The following MYO1G variants were observed in gnomAD, a reference collection of about 807,000 sequenced individuals.
MYO1G encodes myosin IG, also known as unconventional myosin-Ig.
MYO1G carries 65 observed loss-of-function variants against 115.3 expected under a neutral mutation model. That is an observed-to-expected ratio of 0.56 (90% CI 0.46 to 0.69). MYO1G has a LOEUF of 0.69. MYO1G is among the 30% of genes least tolerant of loss of function. MYO1G has a pLI of 0.00. For synonymous variants in MYO1G, 510 were observed against 552.6 expected (o/e 0.92, Z 1.08); for missense variants, 1,204 against 1,393.5 (o/e 0.86, Z 2.16).
rs1794813540 is a variant in MYO1G, at chr7:44,964,956, A to G, written c.2515T>C (p.Tyr839His). 6.3e-7 allele frequency: 1 copy of G among 1,599,382 alleles called. No individual in the cohort carries two copies. Among genetic ancestry groups the G allele is most frequent in the Admixed American group, 1.7e-5 (1 of 59,594 alleles). Residue 839 changes from tyrosine to histidine, a missense_variant, in exon 18 of 22, where the codon TAC becomes CAC. By Grantham distance (83) the Tyr-to-His change is moderately conservative. Coordinates refer to ENST00000258787, the MANE Select transcript of MYO1G (RefSeq NM_033054.3). The surrounding 1 kb of genome is among the most constrained non-coding windows in gnomAD (Gnocchi z 5.1). The stretch of plus-strand genomic sequence containing the variant: ...CGCCTGGCACTTACAGAGGACAGGT[A>G]GTCTCGGGCCCAGGCCCGTCGGCAG... ...WGCRRAWARD[Y>H]LSSATDNPTA...
intron 5 of MYO1G, 88 bp from the exon 6 acceptor site, chr7:44,972,313 G>A (rs1052318848): frequency 4.1e-5 from 41 of 990,512 alleles, no homozygotes; most frequent in Admixed American, 3.0e-4. Context: ...ACAGACTTGC[G>A]CTTCCTTCCA....
Position 44,978,778 on chromosome 7 carries a change from G to A in MYO1G, c.95+89C>T, listed in dbSNP as rs143643718. 893 of 1,272,730 alleles carry A rather than the reference G, an allele frequency of 7.0e-4. 5 individuals carry two copies. The African/African-American group carries it at 8.9e-3, about 13-fold the overall frequency. 78.8% of individuals were successfully genotyped at this position (1,272,730 alleles called of 1,614,324 possible). A position where few individuals can be genotyped will look rare whatever the true frequency, so the allele number is the denominator to read the frequency against. The stretch of plus-strand genomic sequence containing the variant: ...ACTGCCCCCTCCCTTGGACAGCAGC[G>A]TGCCTTCCTCTTTCCCTCAGGTCTC... On this transcript the variant is annotated intron_variant, in intron 1 of 21. Coordinates refer to ENST00000258787, the MANE Select transcript of MYO1G (RefSeq NM_033054.3).
In MYO1G at chr7:44,970,671, G is replaced by A. The variant is rs200247779; in HGVS notation, c.1138C>T (p.Arg380Trp). ...TCCTTGCCATCACGCCGAGGATCCC[G>A]GCCCCGGGGTTCCATGACACTGTTG... is the stretch of plus-strand genomic sequence containing the variant. ...RINSVMEPRG[R>W]DPRRDGKDTV... The change falls in exon 9 of 22, where the codon CGG (arginine) becomes TGG (tryptophan). Residue 380 changes from arginine to tryptophan, a missense_variant. Physicochemically the swap from Arg to Trp is moderately radical, Grantham distance 101. Coordinates refer to ENST00000258787, the MANE Select transcript of MYO1G (RefSeq NM_033054.3). 5.3e-5 allele frequency: 85 copies of A among 1,613,968 alleles called. 1 individual carries two copies. Among genetic ancestry groups the A allele is most frequent in the East Asian group, 2.7e-4 (12 of 44,878 alleles).
chr7:44,972,019 C>T, intron 6 of MYO1G, 96 bp downstream of exon 6: 2 of 1,019,736 alleles, frequency 2.0e-6, no homozygotes, highest in Non-Finnish European at 3.1e-6. Flanking sequence ...CAGTTCACTT[C>T]ACCCTGGCCT....
Position 44,964,626 on chromosome 7 carries a change from G to A in MYO1G, c.2527-107C>T. The A allele has an allele frequency of 1.0e-6, 1 of 971,988 alleles. No individual in the cohort carries two copies. The highest frequency in any genetic ancestry group is 1.6e-6 in the Non-Finnish European group (1 of 615,590). The allele number at this position is 971,988 out of a possible 1,614,324, so 60.2% of individuals were successfully genotyped here. On this transcript the variant is annotated intron_variant, in intron 18 of 21. Coordinates refer to ENST00000258787, the MANE Select transcript of MYO1G (RefSeq NM_033054.3). This position sits in a 1 kb window ranked among gnomAD's most constrained non-coding sequence, Gnocchi z 5.1. The stretch of plus-strand genomic sequence containing the variant: ...TCAGCATAGCTATCCTTCATCTCGG[G>A]AAACTGAGTCACACAGACTTGTGCG...
chr7:44,969,671 C>T lies in MYO1G; in HGVS notation c.1503+34G>A. Reference sequence around the variant, plus strand: ...GTGCCTGTGGGGCAGGTCCCACCAGCCCACTGTGGTGGCACTGGGACAGCC... The same window carrying T: ...GTGCCTGTGGGGCAGGTCCCACCAGTCCACTGTGGTGGCACTGGGACAGCC... On this transcript the variant is annotated intron_variant, in intron 11 of 21. Coordinates refer to ENST00000258787, the MANE Select transcript of MYO1G (RefSeq NM_033054.3). The surrounding 1 kb of genome is among the most constrained non-coding windows in gnomAD (Gnocchi z 5.0). 1 of 1,607,584 alleles carries T rather than the reference C, an allele frequency of 6.2e-7. No homozygotes were observed. Among genetic ancestry groups the T allele is most frequent in the Non-Finnish European group, 8.5e-7 (1 of 1,178,384 alleles).
intron 5 of MYO1G, 126 bp downstream of exon 5, chr7:44,975,048 T>C (rs1462018228): frequency 1.0e-6 from 1 of 952,562 alleles, no homozygotes; most frequent in Non-Finnish European, 1.7e-6. Flanking sequence ...GACGATGGGC[T>C]AGGTGGGGTT....
chr7:44,971,152 A>C, intron 7 of MYO1G, 93 bp from the exon 8 acceptor site: 1 of 1,111,422 alleles, frequency 9.0e-7, no homozygotes, highest in Non-Finnish European at 1.3e-6. Flanking sequence ...AGCAGGGGAC[A>C]TGGATGCGGT....
At position 44,966,510 on chromosome 7, in the gene MYO1G, C is replaced by T. The variant is rs1412572963; in HGVS notation, c.1949+162G>A. The T allele has an allele frequency of 3.2e-6, 3 of 927,296 alleles. No homozygotes were observed. Among genetic ancestry groups the T allele is most frequent in the Non-Finnish European group, 5.1e-6 (3 of 587,420 alleles). The allele number at this position is 927,296 out of a possible 1,614,324, so 57.4% of individuals were successfully genotyped here. On this transcript the variant is annotated intron_variant, in intron 15 of 21. Coordinates refer to ENST00000258787, the MANE Select transcript of MYO1G (RefSeq NM_033054.3). The surrounding 1 kb of genome is among the most constrained non-coding windows in gnomAD (Gnocchi z 5.0). ...ATGTCCCCACATGCATGTGCTCACA[C>T]ACATGTCTTCCCAGATATTTTGGTG...
intron 1 of MYO1G, 29 bp from the exon 2 acceptor site, chr7:44,977,100 C>G (rs769983610): frequency 4.2e-5 from 68 of 1,606,884 alleles, no homozygotes; most frequent in Non-Finnish European, 5.8e-5. Context: ...GGCCTCAGCA[C>G]TCACAGGCTT....
At chr7:44,965,170 A>G in intron 17 of MYO1G, 81 bp from the exon 18 acceptor site, 3 of 1,530,178 alleles carry the variant, frequency 2.0e-6, no homozygotes, top group Non-Finnish European at 2.7e-6. Context: ...GAGGAAGCTG[A>G]GCCCTCAGCC....
chr7:44,967,034 G>A (rs559841659), intron 14 of MYO1G, among the ~76,000 whole-genome samples, 196 bp from the exon 15 acceptor site: 1 of 152,356 alleles, frequency 6.6e-6, no homozygotes, highest in African/African-American at 2.4e-5. Flanking sequence ...TTCAGAGCCA[G>A]GTTCCAGCCC....
chr7:44,966,521 C>T lies in MYO1G; in HGVS notation c.1949+151G>A, dbSNP rs2128701361. 1.0e-6 allele frequency: 1 copy of T among 979,572 alleles called. No individual in the cohort carries two copies. The highest frequency in any genetic ancestry group is 2.6e-5 in the East Asian group (1 of 38,764). The allele number at this position is 979,572 out of a possible 1,614,324, so 60.7% of individuals were successfully genotyped here. On this transcript the variant is annotated intron_variant, in intron 15 of 21. Transcript: ENST00000258787. The surrounding 1 kb of genome is among the most constrained non-coding windows in gnomAD (Gnocchi z 5.0). ...TGCATGTGCTCACACACATGTCTTC[C>T]CAGATATTTTGGTGTCTTGAGGCCA...
Position 44,962,750 on chromosome 7 carries a change from G to C in MYO1G, c.3046C>G (p.Pro1016Ala). Reference sequence around the variant, plus strand: ...GCGGGTGCGGGCGCTCAGCGGCTGGGCCAGAGCAGGGTGAAGGAGCCGCGA... The same window carrying C: ...GCGGGTGCGGGCGCTCAGCGGCTGGCCCAGAGCAGGGTGAAGGAGCCGCGA... ...CARGSFTLLWPSR is the reference protein window; with the variant it reads ...CARGSFTLLWASR Residue 1016 changes from proline to alanine, a missense_variant, in exon 22 of 22, where the codon CCC becomes GCC. Physicochemically the swap from Pro to Ala is conservative, Grantham distance 27 (BLOSUM62 -1). Coordinates refer to ENST00000258787, the MANE Select transcript of MYO1G (RefSeq NM_033054.3). This position sits in a 1 kb window ranked among gnomAD's most constrained non-coding sequence, Gnocchi z 5.3. 6.8e-7 allele frequency: 1 copy of C among 1,470,936 alleles called. No individual in the cohort carries two copies. The highest frequency in any genetic ancestry group is 8.9e-7 in the Non-Finnish European group (1 of 1,121,016). The allele number at this position is 1,470,936 out of a possible 1,614,324, so 91.1% of individuals were successfully genotyped here. A position where few individuals can be genotyped will look rare whatever the true frequency, so the allele number is the denominator to read the frequency against.
chr7:44,965,554 A>G (rs1360516140), intron 17 of MYO1G, 83 bp downstream of exon 17: 3 of 1,311,916 alleles, frequency 2.3e-6, no homozygotes, highest in Non-Finnish European at 2.2e-6. Flanking sequence ...TCTCCCATCC[A>G]GGCACTGCAG....
In MYO1G at chr7:44,966,823, G is replaced by A. The variant is rs139803425; in HGVS notation, c.1798C>T (p.Arg600Cys). 5.2e-5 allele frequency: 84 copies of A among 1,608,900 alleles called. No individual in the cohort carries two copies. Among genetic ancestry groups the A allele is most frequent in the East Asian group, 4.0e-4 (18 of 44,786 alleles). ...TTGTCCTCATTGGGCTTGATGCAGCGGACGTAGAAGGGCTCCTGCAGGGAC... is the reference window on the plus strand; with the variant it reads ...TTGTCCTCATTGGGCTTGATGCAGCAGACGTAGAAGGGCTCCTGCAGGGAC... ...NLASKEPFYV[R>C]CIKPNEDKVA... The change falls in exon 15 of 22, where the codon CGC becomes TGC. Residue 600 changes from arginine to cysteine, a missense_variant. Physicochemically the swap from Arg to Cys is radical, Grantham distance 180 (BLOSUM62 -3). Transcript: ENST00000258787. This position sits in a 1 kb window ranked among gnomAD's most constrained non-coding sequence, Gnocchi z 5.0.
At chr7:44,974,794 C>G (rs1305225072) in intron 5 of MYO1G, 1 of 285,040 alleles carries the variant, frequency 3.5e-6, no homozygotes, top group African/African-American at 2.1e-5. Flanking sequence ...AGTCAATGCC[C>G]GTGTCCCCAG....
intron 5 of MYO1G, 149 bp from the exon 6 acceptor site, chr7:44,972,374 G>A (rs1794975573): frequency 3.2e-6 from 2 of 634,810 alleles, no homozygotes; most frequent in Admixed American, 4.5e-5. Context: ...AACAGTTTCT[G>A]TGTGCCAGCA....
Position 44,963,170 on chromosome 7 carries a change from C to G in MYO1G, c.2746-46G>C, listed in dbSNP as rs1794779065. The G allele has an allele frequency of 1.4e-6, 2 of 1,388,608 alleles. No individual in the cohort carries two copies. Among genetic ancestry groups the G allele is most frequent in the Non-Finnish European group, 1.9e-6 (2 of 1,076,318 alleles). The allele number at this position is 1,388,608 out of a possible 1,614,324, so 86.0% of individuals were successfully genotyped here. ...GAGTGCAGCCGCCTCAACCCGCACC[C>G]CAGCCTAGCCGGACTCACCCCCTCC... On this transcript the variant is annotated intron_variant, in intron 20 of 21. Transcript: ENST00000258787. The surrounding 1 kb of genome is among the most constrained non-coding windows in gnomAD (Gnocchi z 4.1).
Sources: allele counts gnomAD v4.1 joint callset (sites outside exome capture counted in the v4.1 genomes callset), GRCh38; gene constraint gnomAD v4.1.1; non-coding constraint Gnocchi (gnomAD v3.1); transcripts MANE v1.5; gene names NCBI Gene and HGNC (gene_info 2026-07-23, HGNC 2026-07-21).